ARID4B: variants seen among roughly 807,000 people sequenced by gnomAD.
ARID4B encodes AT-rich interaction domain 4B.
A neutral mutation model predicts 147.5 loss-of-function variants in ARID4B; 26 were observed. The observed-to-expected ratio is 0.18, with a 90% CI of 0.13 to 0.24. The LOEUF (loss-of-function observed/expected upper bound fraction) is 0.24, where lower values mean the gene tolerates loss of function less well. Among genes scored for constraint, ARID4B ranks in the 10% least tolerant of loss-of-function variants. The pLI is 1.00. For missense variants in ARID4B, 1,179 were observed against 1,511.5 expected (o/e 0.78, Z 3.65); for synonymous variants, 512 against 507.9 (o/e 1.01, Z -0.11).
At chr1:235,283,900 A>G (rs1403368254) in intron 2 of ARID4B, among the ~76,000 whole-genome samples, 1 of 151,728 alleles carries the variant, frequency 6.6e-6, no homozygotes, top group East Asian at 1.9e-4. Flanking sequence ...ACACCCTGCT[A>G]ATTTTTTTTT....
chr1:235,224,672 A>G, intron 12 of ARID4B, 31 bp downstream of exon 12: 1 of 1,432,882 alleles, frequency 7.0e-7, no homozygotes, highest in Non-Finnish European at 9.8e-7. Context: ...TCCAAAACTT[A>G]CCACGTTAAT....
intron 2 of ARID4B, among the ~76,000 whole-genome samples, chr1:235,284,439 T>C (rs529986252): frequency 7.0e-4 from 106 of 152,332 alleles, no homozygotes; most frequent in African/African-American, 2.4e-3. Flanking sequence ...ATGTGATGAA[T>C]TGATCAGAGA....
chr1:235,206,316 G>A (rs1666304806), intron 17 of ARID4B, among the ~76,000 whole-genome samples: 1 of 152,156 alleles, frequency 6.6e-6, no homozygotes, highest in Non-Finnish European at 1.5e-5. Context: ...AAAAGAAAAG[G>A]AGGGGGAGGA....
intron 17 of ARID4B, among the ~76,000 whole-genome samples, chr1:235,205,358 A>G (rs775915852): frequency 6.6e-6 from 1 of 152,216 alleles, no homozygotes; most frequent in Non-Finnish European, 1.5e-5. Flanking sequence ...CAGAAAATTA[A>G]TATTTCCAAT....
intron 2 of ARID4B, among the ~76,000 whole-genome samples, chr1:235,288,612 C>G (rs1028804923): frequency 1.3e-5 from 2 of 152,154 alleles, no homozygotes; most frequent in African/African-American, 4.8e-5. Context: ...GGTTATTTAG[C>G]TTGTCCTCTA....
intron 23 of ARID4B, among the ~76,000 whole-genome samples, chr1:235,169,540 CTGTT>C (rs1663181908): frequency 6.9e-6 from 1 of 144,348 alleles, no homozygotes; most frequent in African/African-American, 2.6e-5. Context: ...CGCGCCCAGC[CTGTT>C]TGTTTTTTTG....
At chr1:235,220,974 T>C (rs1667430445) in intron 14 of ARID4B, among the ~76,000 whole-genome samples, 1 of 152,138 alleles carries the variant, frequency 6.6e-6, no homozygotes, top group South Asian at 2.1e-4. Flanking sequence ...CTCAGCTCAC[T>C]ATAACCTCCG....
chr1:235,238,153 A>AAAAAGAAAAG (rs1232349730), intron 8 of ARID4B, among the ~76,000 whole-genome samples: 1,442 of 141,704 alleles, frequency 0.01, 26 homozygotes, highest in African/African-American at 0.03. Context: ...CAAAAAAAAA[A>AAAAAGAAAAG]AAAAGAAAAG....
At chr1:235,321,533 T>G (rs960917499) in intron 2 of ARID4B, among the ~76,000 whole-genome samples, 2 of 152,160 alleles carry the variant, frequency 1.3e-5, no homozygotes, top group African/African-American at 2.4e-5. Flanking sequence ...TAAGACAGAC[T>G]CTTGCTCTGT....
intron 17 of ARID4B, among the ~76,000 whole-genome samples, chr1:235,204,531 A>G (rs770055892): frequency 3.9e-5 from 6 of 152,202 alleles, no homozygotes; most frequent in South Asian, 2.1e-4. Flanking sequence ...TATAGTAATT[A>G]TATCAATAGG....
chr1:235,243,581 T>G (rs1178249382), intron 7 of ARID4B, among the ~76,000 whole-genome samples: 2 of 152,148 alleles, frequency 1.3e-5, no homozygotes, highest in African/African-American at 4.8e-5. Flanking sequence ...TTAAAGCTGA[T>G]CACACTTCAC....
chr1:235,255,314 A>G (rs1438781718), intron 5 of ARID4B, among the ~76,000 whole-genome samples: 1 of 136,176 alleles, frequency 7.3e-6, no homozygotes, highest in Non-Finnish European at 1.7e-5. Context: ...CAGTTAAAAG[A>G]CATTTCTATT....
At position 235,182,244 on chromosome 1, in the gene ARID4B, G is replaced by A. The variant is rs1443118772; in HGVS notation, c.2675C>T (p.Thr892Ile). The change falls in exon 20 of 24, where the codon ACT becomes ATT. Residue 892 changes from threonine to isoleucine, a missense_variant. Transcript: ENST00000264183. ...LEEKRKSLRT[T>I]GFYSGFSEVA... ...TTCTGAAAATCCTGAATAGAAACCA[G>A]TTGTCCGTAGAGATTTTCTTTTTTC... 4 of 1,612,888 alleles carry A rather than the reference G, an allele frequency of 2.5e-6. No individual in the cohort carries two copies. Among genetic ancestry groups the A allele is most frequent in the Non-Finnish European group, 3.4e-6 (4 of 1,179,768 alleles).
At chr1:235,210,008 G>A (rs1666608756) in intron 17 of ARID4B, among the ~76,000 whole-genome samples, 1 of 152,096 alleles carries the variant, frequency 6.6e-6, no homozygotes, top group South Asian at 2.1e-4. Flanking sequence ...CAGGAGGACT[G>A]CTTGAGCCCA....
At chr1:235,255,246 GATAGATAGATAGATAGAT>G (rs1364893206) in intron 5 of ARID4B, among the ~76,000 whole-genome samples, 3 of 100,396 alleles carry the variant, frequency 3.0e-5, no homozygotes, top group African/African-American at 6.5e-5. Flanking sequence ...TAGATAGATA[GATAGATAGATAGATAGAT>G]ATATATCTCT....
At chr1:235,220,641 C>T in intron 14 of ARID4B, 96 bp from the exon 15 acceptor site, 1 of 965,302 alleles carries the variant, frequency 1.0e-6, no homozygotes, top group Non-Finnish European at 1.4e-6. Context: ...TGTCTAAACT[C>T]TCAGATATTG....
At chr1:235,311,824 G>C (rs1156326298) in intron 2 of ARID4B, among the ~76,000 whole-genome samples, 2 of 152,076 alleles carry the variant, frequency 1.3e-5, no homozygotes, top group African/African-American at 4.8e-5. Context: ...AGTACCTACT[G>C]AATACTAAGC....
chr1:235,196,166 TAACC>T lies in ARID4B; in HGVS notation c.1842-55_1842-52del, dbSNP rs1176774950. On this transcript the variant is annotated intron_variant, in intron 17 of 23. Coordinates refer to ENST00000264183, the MANE Select transcript of ARID4B (RefSeq NM_016374.6). Reference sequence around the variant, plus strand: ...ATATGTACAATATATACCACGGAAATAACCTATGCCATATTAAAGAGAAACTCAT... The same window carrying T: ...ATATGTACAATATATACCACGGAAATTATGCCATATTAAAGAGAAACTCAT... The T allele has an allele frequency of 2.5e-5, 23 of 935,864 alleles. 1 individual carries two copies. The highest frequency in any genetic ancestry group is 9.6e-6 in the Non-Finnish European group (6 of 622,440). 58.0% of individuals were successfully genotyped at this position (935,864 alleles called of 1,614,324 possible).
Position 235,236,851 on chromosome 1 carries a change from TATATATATA to T in ARID4B, c.586-2368_586-2360del, listed in dbSNP as rs1249537671. On this transcript the variant is annotated intron_variant, in intron 8 of 23. Coordinates refer to ENST00000264183, the MANE Select transcript of ARID4B (RefSeq NM_016374.6). ...TATAAAAAATATATATATATATATA[TATATATATA>T]TATTTTTTTTTTTTTTTTTTTTTTT... 3.2e-4 allele frequency among the ~76,000 whole-genome samples: 13 copies of T among 41,032 alleles called. No individual in the cohort carries two copies. The East Asian group carries it at 7.8e-3, about 25-fold the overall frequency. The allele number at this position is 41,032 out of a possible 152,430, so 26.9% of individuals were successfully genotyped here. A position where few individuals can be genotyped will look rare whatever the true frequency, so the allele number is the denominator to read the frequency against.
Sources: gnomAD v4.1 joint callset for allele counts (sites outside exome capture counted in the v4.1 genomes callset) on GRCh38, gnomAD v4.1.1 for gene constraint, MANE v1.5 for transcripts, NCBI Gene and HGNC (gene_info 2026-07-23, HGNC 2026-07-21) for gene names.